Variants in FAM234B observed in about 807,000 individuals in gnomAD.
FAM234B encodes family with sequence similarity 234 member B, also known as protein FAM234B.
In FAM234B, 33 loss-of-function variants were observed where a neutral mutation model predicts 69.3. That is an observed-to-expected ratio of 0.48 (90% CI 0.36 to 0.64). The LOEUF is 0.64. Ranked by LOEUF, FAM234B falls within the 30% of genes least tolerant of loss-of-function variation. The pLI, the probability that FAM234B is intolerant of heterozygous loss-of-function variation, is 0.00. For synonymous variants in FAM234B, 306 were observed against 306.9 expected (o/e 1.00, Z 0.03); for missense variants, 697 against 769.7 (o/e 0.91, Z 1.12).
At chr12:13,070,735 A>G (rs1468676011) in intron 9 of FAM234B, among the ~76,000 whole-genome samples, 4 of 152,128 alleles carry the variant, frequency 2.6e-5, no homozygotes, top group Admixed American at 2.0e-4. Flanking sequence ...CCCTAGGTCC[A>G]TATGCCACGA....
At chr12:13,073,210 G>C (rs760800282) in intron 10 of FAM234B, among the ~76,000 whole-genome samples, 11 of 151,426 alleles carry the variant, frequency 7.3e-5, no homozygotes, top group Non-Finnish European at 1.0e-4. Context: ...GCCCAGGCAG[G>C]CCTCGAACTC....
At chr12:13,060,225 A>G (rs1864970708) in intron 3 of FAM234B, among the ~76,000 whole-genome samples, 1 of 152,230 alleles carries the variant, frequency 6.6e-6, no homozygotes, top group Non-Finnish European at 1.5e-5. Flanking sequence ...CTTGACCCTC[A>G]TGCCAAGCTG....
intron 1 of FAM234B, among the ~76,000 whole-genome samples, chr12:13,051,632 C>T (rs180821665): frequency 3.9e-5 from 6 of 152,270 alleles, no homozygotes; most frequent in Non-Finnish European, 7.4e-5. Context: ...CAGACTGTAC[C>T]TGGGATTGTA....
chr12:13,081,378 C>G lies in FAM234B; in HGVS notation c.*748C>G, dbSNP rs935300815. ...GTAGTCTCAGTGACCCATCTCTGAC[C>G]AAGTCCACATGTTGTGTTATATGTG... On this transcript the variant is annotated 3_prime_UTR_variant, in exon 13 of 13. Transcript: ENST00000197268. 6.6e-6 allele frequency: 1 copy of G among 152,200 alleles called. No individual in the cohort carries two copies. The highest frequency in any genetic ancestry group is 6.5e-5 in the Admixed American group (1 of 15,270). The allele number at this position is 152,200 out of a possible 1,614,324, so 9.4% of individuals were successfully genotyped here.
intron 10 of FAM234B, among the ~76,000 whole-genome samples, chr12:13,075,528 C>G (rs1865149614): frequency 6.6e-6 from 1 of 151,324 alleles, no homozygotes; most frequent in African/African-American, 2.4e-5. Context: ...ACCTGTGCCT[C>G]CCAGGTTCAA....
Position 13,082,365 on chromosome 12 carries a change from G to C in FAM234B, c.*1735G>C, listed in dbSNP as rs1865244774. The stretch of plus-strand genomic sequence containing the variant: ...TTAATTACCCACTGACAGGCATTAT[G>C]ACCTAACAGGAGGTTGGTAGCAGTA... On this transcript the variant is annotated 3_prime_UTR_variant, in exon 13 of 13. Coordinates refer to ENST00000197268, the MANE Select transcript of FAM234B (RefSeq NM_020853.2). The C allele has an allele frequency of 6.6e-6, 1 of 152,164 alleles. No homozygotes were observed. The highest frequency in any genetic ancestry group is 2.1e-4 in the South Asian group (1 of 4,822). 9.4% of individuals were successfully genotyped at this position (152,164 alleles called of 1,614,324 possible). A position where few individuals can be genotyped will look rare whatever the true frequency, so the allele number is the denominator to read the frequency against.
chr12:13,066,596 G>A (rs377482863), intron 5 of FAM234B, 44 bp from the exon 6 acceptor site: 20 of 1,561,846 alleles, frequency 1.3e-5, no homozygotes, highest in Non-Finnish European at 1.6e-5. Flanking sequence ...ATTAGCAAAC[G>A]ATAGGGCTTC....
chr12:13,050,721 G>GATAATA (rs528176096), intron 1 of FAM234B, among the ~76,000 whole-genome samples: 31 of 151,548 alleles, frequency 2.0e-4, no homozygotes, highest in African/African-American at 7.0e-4. Flanking sequence ...TAAAATGGGG[G>GATAATA]ATAATAATAA....
chr12:13,073,570 T>C (rs1262769759), intron 10 of FAM234B, among the ~76,000 whole-genome samples: 1 of 152,226 alleles, frequency 6.6e-6, no homozygotes, highest in Non-Finnish European at 1.5e-5. Context: ...GGTAAAGCCA[T>C]GTTTCATCTC....
At chr12:13,080,577 A>T in intron 12 of FAM234B, 48 bp from the exon 13 acceptor site, 2 of 1,522,484 alleles carry the variant, frequency 1.3e-6, no homozygotes, top group Non-Finnish European at 1.8e-6. Context: ...TTCTTTGAAC[A>T]TCTCTACCAT....
At chr12:13,051,042 T>G (rs1366514810) in intron 1 of FAM234B, among the ~76,000 whole-genome samples, 2 of 152,208 alleles carry the variant, frequency 1.3e-5, no homozygotes, top group African/African-American at 4.8e-5. Flanking sequence ...TCCTATTTTG[T>G]GTTCTATTTT....
intron 3 of FAM234B, among the ~76,000 whole-genome samples, chr12:13,059,447 C>T (rs1864963009): frequency 6.6e-6 from 1 of 152,190 alleles, no homozygotes; most frequent in Non-Finnish European, 1.5e-5. Flanking sequence ...TCTGGGATCC[C>T]AGCTTTTACA....
chr12:13,051,614 T>G (rs1362899752), intron 1 of FAM234B, among the ~76,000 whole-genome samples: 3 of 152,222 alleles, frequency 2.0e-5, no homozygotes, highest in Non-Finnish European at 4.4e-5. Flanking sequence ...GCCCTCCCTT[T>G]CTCTGGTCAG....
chr12:13,078,824 A>G (rs1363770766), intron 11 of FAM234B, among the ~76,000 whole-genome samples: 3 of 152,152 alleles, frequency 2.0e-5, no homozygotes, highest in Non-Finnish European at 4.4e-5. Flanking sequence ...TAGGAATCCA[A>G]CTTACAAGGG....
intron 5 of FAM234B, among the ~76,000 whole-genome samples, chr12:13,066,222 ACAT>A: frequency 6.6e-6 from 1 of 152,294 alleles, no homozygotes; most frequent in East Asian, 1.9e-4. Context: ...TCCAGGCCCG[ACAT>A]CTGGTGTTCT....
intron 6 of FAM234B, 160 bp downstream of exon 6, chr12:13,066,947 T>A: frequency 1.1e-6 from 1 of 932,930 alleles, no homozygotes; most frequent in Non-Finnish European, 1.6e-6. Context: ...CACAGGCTAT[T>A]AACTCTGCCT....
At chr12:13,064,190 C>T (rs904245831) in intron 5 of FAM234B, among the ~76,000 whole-genome samples, 1 of 152,166 alleles carries the variant, frequency 6.6e-6, no homozygotes, top group African/African-American at 2.4e-5. Context: ...GGGTTTTAAG[C>T]TTTAAGGGTA....
intron 10 of FAM234B, among the ~76,000 whole-genome samples, chr12:13,075,741 C>T (rs1865152077): frequency 6.6e-6 from 1 of 151,812 alleles, no homozygotes; most frequent in Non-Finnish European, 1.5e-5. Context: ...CAGGCATGAG[C>T]CACCGCACCA....
At chr12:13,065,748 C>A (rs1233259309) in intron 5 of FAM234B, among the ~76,000 whole-genome samples, 1 of 152,146 alleles carries the variant, frequency 6.6e-6, no homozygotes, top group Non-Finnish European at 1.5e-5. Flanking sequence ...AGGAATGGGG[C>A]AATAGCACAG....
Sources: gnomAD v4.1 joint callset for allele counts (sites outside exome capture counted in the v4.1 genomes callset) on GRCh38, gnomAD v4.1.1 for gene constraint, MANE v1.5 for transcripts, NCBI Gene and HGNC (gene_info 2026-07-23, HGNC 2026-07-21) for gene names.